Variants in PRSS36 observed in about 807,000 individuals in gnomAD.
The protein encoded by PRSS36 is polyserase-2.
PRSS36 carries 90 observed loss-of-function variants against 94.3 expected under a neutral mutation model. The observed-to-expected ratio is 0.95, with a 90% CI of 0.80 to 1.14. PRSS36 has a LOEUF of 1.14. Among genes scored for constraint, PRSS36 ranks in the 50% most tolerant of loss-of-function variants. PRSS36 has a pLI of 0.00. For missense variants in PRSS36, 1,158 were observed against 1,135.0 expected (o/e 1.02, Z -0.29); for synonymous variants, 500 against 489.6 (o/e 1.02, Z -0.28).
chr16:31,141,376 T>TAAAC (rs150305650), intron 12 of PRSS36, 93 bp downstream of exon 12: 303,685 of 1,347,266 alleles, frequency 0.23, 39,180 homozygotes, highest in African/African-American at 0.33. Context: ...TAATTTTTTT[T>TAAAC]AAACAAACAA....
In PRSS36 at chr16:31,140,681, G is replaced by C. The variant is rs2057672397; in HGVS notation, c.1978C>G (p.Gln660Glu). ...AGASSLPQGH[Q>E]VSRLVISIRL... is the part of the protein sequence containing the mutation. Reference sequence around the variant, plus strand: ...ATGCTGATGACCAAGCGGGATACCTGGTGGCCCTGTGGGAGGGAGCTGGCC... The same window carrying C: ...ATGCTGATGACCAAGCGGGATACCTCGTGGCCCTGTGGGAGGGAGCTGGCC... The change falls in exon 13 of 15, where the codon CAG (glutamine) becomes GAG (glutamate). Residue 660 changes from glutamine to glutamate, a missense_variant. Physicochemically the swap from Gln to Glu is conservative, Grantham distance 29. Transcript: ENST00000268281. 5 of 1,614,064 alleles carry C rather than the reference G, an allele frequency of 3.1e-6. No homozygotes were observed. Among genetic ancestry groups the C allele is most frequent in the Non-Finnish European group, 3.4e-6 (4 of 1,179,978 alleles).
chr16:31,139,222 G>A lies in PRSS36; in HGVS notation c.2484C>T (p.Leu828=). Residue 828 remains leucine, a synonymous_variant, in exon 15 of 15, where the codon CTC becomes CTT. Transcript: ENST00000268281. The stretch of plus-strand genomic sequence containing the variant: ...AGGCCTTGGCCAGTTCTGGGGGGCA[G>A]AGATTGCTGCCTCCAGTGGGCCAGT... ...SPHWPTGGSN[L]CPPELAKASG... The A allele has an allele frequency of 1.9e-6, 3 of 1,613,840 alleles. No individual in the cohort carries two copies. The highest frequency in any genetic ancestry group is 1.7e-6 in the Non-Finnish European group (2 of 1,179,804).
At chr16:31,140,446 C>T (rs1596839363) in intron 13 of PRSS36, 31 bp from the exon 14 acceptor site, 1 of 1,607,646 alleles carries the variant, frequency 6.2e-7, no homozygotes, top group Non-Finnish European at 8.5e-7. Context: ...TGTTCCAGGG[C>T]TCTGGCCTCC....
At chr16:31,148,876 A>G (rs1268245042) in intron 4 of PRSS36, among the ~76,000 whole-genome samples, 197 bp downstream of exon 4, 1 of 152,042 alleles carries the variant, frequency 6.6e-6, no homozygotes, top group African/African-American at 2.4e-5. Context: ...AGACCCGGAT[A>G]TTGAGTGGAG....
chr16:31,141,718 C>T lies in PRSS36; in HGVS notation c.1759+5G>A. ...GCCCCTAGGGCCCAAAAGCGTCCTG[C>T]TCACCACCATGCTCTGTGTGTGGGG... On this transcript the variant is annotated splice_donor_5th_base_variant and intron_variant, in intron 11 of 14. Coordinates refer to ENST00000268281, the MANE Select transcript of PRSS36 (RefSeq NM_173502.5). The T allele has an allele frequency of 6.2e-7, 1 of 1,610,222 alleles. No homozygotes were observed. Among genetic ancestry groups the T allele is most frequent in the Non-Finnish European group, 8.5e-7 (1 of 1,176,706 alleles).
intron 5 of PRSS36, among the ~76,000 whole-genome samples, chr16:31,147,240 C>T (rs1287840193): frequency 3.3e-5 from 5 of 152,116 alleles, no homozygotes; most frequent in Non-Finnish European, 1.5e-5. Context: ...TATCTGGGTC[C>T]ACAGGGTGGC....
In PRSS36 at chr16:31,142,877, TC is replaced by T; in HGVS notation, c.1216del (p.Asp406ThrfsTer15). On this transcript the variant is annotated frameshift_variant, in exon 9 of 15. Coordinates refer to ENST00000268281, the MANE Select transcript of PRSS36 (RefSeq NM_173502.5). LOFTEE classifies it high-confidence loss of function. ...CAGCAGCGCCAGGTCCGAGGCGTTG[TC>T]CCACGAAGCGTTCTCGTGCTGCACC... ...RLVQHENASW[D>X]NASDLALLQL... The T allele has an allele frequency of 6.4e-7, 1 of 1,560,900 alleles. No individual in the cohort carries two copies.
At chr16:31,147,537 T>C (rs2057816170) in intron 5 of PRSS36, among the ~76,000 whole-genome samples, 1 of 152,020 alleles carries the variant, frequency 6.6e-6, no homozygotes, top group Admixed American at 6.6e-5. Flanking sequence ...AAAGCTTGGG[T>C]GATGGGGATG....
Position 31,140,313 on chromosome 16 carries a change from C to A in PRSS36, c.2270G>T (p.Gly757Val), listed in dbSNP as rs1424949165. Residue 757 changes from glycine (G) to valine (V), a missense_variant, in exon 14 of 15, where the codon GGG becomes GTG. Gly to Val is a moderately radical substitution (Grantham distance 109). Coordinates refer to ENST00000268281, the MANE Select transcript of PRSS36 (RefSeq NM_173502.5). ...PGTLCVLYAE[G>V]QENRCEMTSA... Reference sequence around the variant, plus strand: ...CTGTACCTCACACCTGTTCTCCTGCCCCTCTGCATACAGGACACAGAGGGT... The same window carrying A: ...CTGTACCTCACACCTGTTCTCCTGCACCTCTGCATACAGGACACAGAGGGT... 9 of 1,612,754 alleles carry A rather than the reference C, an allele frequency of 5.6e-6. No individual in the cohort carries two copies. Among genetic ancestry groups the A allele is most frequent in the Non-Finnish European group, 6.8e-6 (8 of 1,179,442 alleles).
At chr16:31,149,519 AGAG>A (rs780162853) in intron 2 of PRSS36, 21 bp from the exon 3 acceptor site, 3 of 1,613,910 alleles carry the variant, frequency 1.9e-6, no homozygotes, top group African/African-American at 2.7e-5. Flanking sequence ...GAGGGGAAAG[AGAG>A]GAGGACACTT....
chr16:31,149,829 A>G (rs1051656012), intron 1 of PRSS36, 98 bp from the exon 2 acceptor site: 65 of 1,572,386 alleles, frequency 4.1e-5, no homozygotes, highest in Admixed American at 1.0e-4. Context: ...CCGTCTCCCC[A>G]GGGCACCCAG....
At chr16:31,148,808 G>A in intron 4 of PRSS36, 133 bp from the exon 5 acceptor site, 1 of 1,271,226 alleles carries the variant, frequency 7.9e-7, no homozygotes, top group Non-Finnish European at 1.1e-6. Context: ...TCCTCAAAGG[G>A]GAAGAGCAAA....
intron 5 of PRSS36, among the ~76,000 whole-genome samples, chr16:31,147,335 G>A (rs2057812814): frequency 6.6e-6 from 1 of 152,084 alleles, no homozygotes; most frequent in African/African-American, 2.4e-5. Context: ...CCATTGTTAG[G>A]ATGGCCTGGC....
At position 31,145,739 on chromosome 16, in the gene PRSS36, A is replaced by C. The variant is rs1474084471; in HGVS notation, c.720+50T>G. On this transcript the variant is annotated intron_variant, in intron 6 of 14. Coordinates refer to ENST00000268281, the MANE Select transcript of PRSS36 (RefSeq NM_173502.5). ...GAGAGATGTCCTTTATCTATTTGTC[A>C]CTGGTTAGGACTCTGGCCCTGCCAG... 2 of 1,551,124 alleles carry C rather than the reference A, an allele frequency of 1.3e-6. 1 individual carries two copies. The highest frequency in any genetic ancestry group is 1.7e-6 in the Non-Finnish European group (2 of 1,146,126).
Position 31,141,396 on chromosome 16 carries a change from T to TAAAC in PRSS36, c.1901+72_1901+73insGTTT, listed in dbSNP as rs2057685711. 40 of 1,480,492 alleles carry TAAAC rather than the reference T, an allele frequency of 2.7e-5. 2 individuals carry two copies. The South Asian group carries it at 5.2e-4, about 19-fold the overall frequency. The allele number at this position is 1,480,492 out of a possible 1,614,324, so 91.7% of individuals were successfully genotyped here. ...TTTTTTAAACAAACAAACAAACAAA[T>TAAAC]AACAAAAACAAGTCTTTGGCTCTGT... On this transcript the variant is annotated intron_variant, in intron 12 of 14. Transcript: ENST00000268281.
chr16:31,144,672 C>T (rs1397857255), intron 6 of PRSS36, among the ~76,000 whole-genome samples: 2 of 152,192 alleles, frequency 1.3e-5, no homozygotes, highest in Non-Finnish European at 2.9e-5. Flanking sequence ...TGCCTGTAAT[C>T]CCAGCTACTT....
At position 31,140,512 on chromosome 16, in the gene PRSS36, C is replaced by T. The variant is rs1214976688; in HGVS notation, c.2147G>A (p.Trp716Ter). 1 of 1,577,000 alleles carries T rather than the reference C, an allele frequency of 6.3e-7. No homozygotes were observed. Among genetic ancestry groups the T allele is most frequent in the Non-Finnish European group, 8.6e-7 (1 of 1,160,790 alleles). The change falls in exon 13 of 15, where the codon TGG (tryptophan) becomes TAG (stop). Residue 716 changes from tryptophan to a stop codon, truncating the protein, a stop_gained. Coordinates refer to ENST00000268281, the MANE Select transcript of PRSS36 (RefSeq NM_173502.5). LOFTEE classifies it high-confidence loss of function. The part of the protein sequence containing the change: ...PPGASCWVLG[W>*]KEPQDRVPVA... Reference sequence around the variant, plus strand: ...CTCACCTCGGTCCTGGGGTTCTTTCCAGCCCAACACCCAGCAGCTGGCCCC... The same window carrying T: ...CTCACCTCGGTCCTGGGGTTCTTTCTAGCCCAACACCCAGCAGCTGGCCCC...
Position 31,148,472 on chromosome 16 carries a change from C to T in PRSS36, c.476G>A (p.Cys159Tyr). The T allele has an allele frequency of 6.3e-7, 1 of 1,575,750 alleles. No homozygotes were observed. ...GAAGCGGTGTGAGGCGCGGGGCAGG[C>T]AGACAGGCCACACGGCGGGGCCCAG... ...ASLGPAVWPVCLPRASHRFVH... is the reference protein window; with the variant it reads ...ASLGPAVWPVYLPRASHRFVH... Residue 159 changes from cysteine to tyrosine, a missense_variant, in exon 5 of 15, where the codon TGC becomes TAC. By Grantham distance (194) the Cys-to-Tyr change is radical (BLOSUM62 -2). Transcript: ENST00000268281.
At position 31,145,928 on chromosome 16, in the gene PRSS36, T is replaced by C. The variant is rs1423571064; in HGVS notation, c.581A>G (p.Gln194Arg). ...GCCCAGCAGCCTTAGCTCCACTTCC[T>C]GTAGCACCCAGGGGAGAGGCAGAGG... ...ADPLPLPWVL[Q>R]EVELRLLGEA... Residue 194 changes from glutamine to arginine, a missense_variant, in exon 6 of 15, where the codon CAG becomes CGG. Coordinates refer to ENST00000268281, the MANE Select transcript of PRSS36 (RefSeq NM_173502.5). 6.2e-7 allele frequency: 1 copy of C among 1,613,604 alleles called. No individual in the cohort carries two copies. The highest frequency in any genetic ancestry group is 8.5e-7 in the Non-Finnish European group (1 of 1,179,750).
Sources: allele counts gnomAD v4.1 joint callset (sites outside exome capture counted in the v4.1 genomes callset), GRCh38; gene constraint gnomAD v4.1.1; transcripts MANE v1.5; gene names NCBI Gene and HGNC (gene_info 2026-07-23, HGNC 2026-07-21).